Variants in VSTM2A observed in about 807,000 individuals in gnomAD.
VSTM2A encodes V-set and transmembrane domain containing 2A.
A neutral mutation model predicts 27.3 loss-of-function variants in VSTM2A; 13 were observed. The observed-to-expected ratio is 0.48, with a 90% CI of 0.31 to 0.76. The LOEUF (loss-of-function observed/expected upper bound fraction) is 0.76. VSTM2A is among the 30% of genes least tolerant of loss of function. The pLI, the probability that VSTM2A is intolerant of heterozygous loss-of-function variation, is 0.05. For synonymous variants in VSTM2A, 142 were observed against 125.7 expected (o/e 1.13, Z -0.87); for missense variants, 280 against 310.0 (o/e 0.90, Z 0.73).
intron 2 of VSTM2A, among the ~76,000 whole-genome samples, chr7:54,545,552 G>A (rs1305297196): frequency 2.0e-5 from 2 of 98,446 alleles, no homozygotes; most frequent in Non-Finnish European, 4.2e-5. Flanking sequence ...GAGTGGGGAG[G>A]GGAGAAGAAG....
chr7:54,549,700 A>G, intron 3 of VSTM2A, 134 bp from the exon 4 acceptor site: 2 of 800,526 alleles, frequency 2.5e-6, no homozygotes, highest in Non-Finnish European at 3.9e-6. Context: ...TTAAGGAAAT[A>G]AAAAGCTCCT....
chr7:54,550,279 G>T, intron 4 of VSTM2A, 109 bp downstream of exon 4: 1 of 1,508,844 alleles, frequency 6.6e-7, no homozygotes, highest in Non-Finnish European at 8.9e-7. Flanking sequence ...TAAAATCGGA[G>T]ACCTAGTTCA....
In VSTM2A at chr7:54,542,813, A is replaced by G. The variant is rs1377665831; in HGVS notation, c.79+4A>G. 6.2e-7 allele frequency: 1 copy of G among 1,612,984 alleles called. No individual in the cohort carries two copies. The highest frequency in any genetic ancestry group is 8.5e-7 in the Non-Finnish European group (1 of 1,179,498). ...CAACAAGGGCTTTCTTCTCAAGGTA[A>G]GTCTTGCTCAATGGCAAATATACAT... On this transcript the variant is annotated splice_donor_region_variant and intron_variant, in intron 1 of 4. Coordinates refer to ENST00000402613, the MANE Select transcript of VSTM2A (RefSeq NM_001301009.2).
At chr7:54,549,141 G>A (rs1452048405) in intron 3 of VSTM2A, among the ~76,000 whole-genome samples, 1 of 151,784 alleles carries the variant, frequency 6.6e-6, no homozygotes, top group Non-Finnish European at 1.5e-5. Context: ...TGAAAATCAA[G>A]CCAGTGTTTT....
intron 4 of VSTM2A, among the ~76,000 whole-genome samples, chr7:54,562,389 G>T (rs1289321698): frequency 6.6e-6 from 1 of 151,792 alleles, no homozygotes; most frequent in Non-Finnish European, 1.5e-5. Context: ...TTAAAATTAT[G>T]AGTTGTTTTT....
chr7:54,549,695 G>A, intron 3 of VSTM2A, 139 bp from the exon 4 acceptor site: 1 of 761,018 alleles, frequency 1.3e-6, no homozygotes, highest in South Asian at 2.0e-5. Context: ...TGACGTTAAG[G>A]AAATAAAAAG....
chr7:54,546,783 G>GT (rs1788006148), intron 2 of VSTM2A, 164 bp from the exon 3 acceptor site: 6 of 694,870 alleles, frequency 8.6e-6, no homozygotes, highest in Non-Finnish European at 1.4e-5. Context: ...CAGCGTGGGG[G>GT]CGGTGCGGTC....
In VSTM2A at chr7:54,544,785, G is replaced by T; in HGVS notation, c.243G>T (p.Ala81=). 1 of 1,602,472 alleles carries T rather than the reference G, an allele frequency of 6.2e-7. No homozygotes were observed. Among genetic ancestry groups the T allele is most frequent in the Non-Finnish European group, 8.5e-7 (1 of 1,174,896 alleles). ...ATCCCGGGGCCGAGGGGGCCGGCGC[G>T]CAGGTAGCGGAGCCCGCCGACCCCG... is the stretch of plus-strand genomic sequence containing the variant. ...DLDPGAEGAG[A]QVELLPDRDP... is the part of the protein sequence containing the mutation. The change falls in exon 2 of 5, where the codon GCG becomes GCT. Residue 81 remains alanine (A), a synonymous_variant. Coordinates refer to ENST00000402613, the MANE Select transcript of VSTM2A (RefSeq NM_001301009.2).
Position 54,542,597 on chromosome 7 carries a change from G to A in VSTM2A, c.-134G>A. The A allele has an allele frequency of 1.3e-6, 1 of 751,182 alleles. No individual in the cohort carries two copies. Among genetic ancestry groups the A allele is most frequent in the Non-Finnish European group, 2.3e-6 (1 of 442,944 alleles). 46.5% of individuals were successfully genotyped at this position (751,182 alleles called of 1,614,324 possible). A position where few individuals can be genotyped will look rare whatever the true frequency, so the allele number is the denominator to read the frequency against. ...TCCCTTCTCCCCACAGCCAGCCCTC[G>A]CCAAGCAAGCAGCAGGATGTTTGCA... is the stretch of plus-strand genomic sequence containing the variant. On this transcript the variant is annotated 5_prime_UTR_variant, in exon 1 of 5. Coordinates refer to ENST00000402613, the MANE Select transcript of VSTM2A (RefSeq NM_001301009.2).
rs116751288 is a variant in VSTM2A, at chr7:54,567,203, C to T, written c.635-1928C>T. ...GAAAAAATCTTTGTAATTTTCCTGG[C>T]GAAAATGAATTGTATTTAATTAAAA... is the stretch of plus-strand genomic sequence containing the variant. On this transcript the variant is annotated intron_variant, in intron 4 of 4. Transcript: ENST00000402613. Among the ~76,000 whole-genome samples, 1,248 of 152,044 alleles carry T rather than the reference C, an allele frequency of 8.2e-3. 22 individuals are homozygous for T. Among genetic ancestry groups the T allele is most frequent in the African/African-American group, 0.028 (1,181 of 41,476 alleles).
intron 2 of VSTM2A, 87 bp from the exon 3 acceptor site, chr7:54,546,860 G>GTC: frequency 1.9e-6 from 3 of 1,541,086 alleles, no homozygotes; most frequent in African/African-American, 1.5e-5. Context: ...TGACGGCCCT[G>GTC]CCCGGAGCCG....
intron 2 of VSTM2A, chr7:54,546,574 G>GCCCGCCCGCCCA (rs1271387546): frequency 1.1e-4 from 12 of 108,770 alleles, no homozygotes; most frequent in African/African-American, 4.4e-4. Context: ...CTGCCCGCCC[G>GCCCGCCCGCCCA]CCCACCCACC....
intron 4 of VSTM2A, among the ~76,000 whole-genome samples, chr7:54,554,403 G>A (rs1788286518): frequency 1.3e-5 from 2 of 152,028 alleles, no homozygotes; most frequent in South Asian, 2.1e-4. Context: ...GAAATTGTTC[G>A]AGTCACCTTT....
At chr7:54,550,229 T>C in intron 4 of VSTM2A, 59 bp downstream of exon 4, 1 of 1,552,764 alleles carries the variant, frequency 6.4e-7, no homozygotes, top group Non-Finnish European at 8.7e-7. Flanking sequence ...CACAGAAAGG[T>C]CAGTCGTATA....
At chr7:54,566,860 G>A (rs1430306036) in intron 4 of VSTM2A, among the ~76,000 whole-genome samples, 5 of 152,188 alleles carry the variant, frequency 3.3e-5, no homozygotes, top group Admixed American at 1.3e-4. Flanking sequence ...TCTTTAAAAT[G>A]AGCACAGAGT....
chr7:54,553,823 A>G (rs1788264103), intron 4 of VSTM2A: 4 of 1,550,368 alleles, frequency 2.6e-6, no homozygotes, highest in Non-Finnish European at 3.5e-6. Flanking sequence ...AAATACCCCA[A>G]TATACTAAGT....
At chr7:54,547,037 G>C (rs756231004) in intron 3 of VSTM2A, 40 bp downstream of exon 3, 2 of 1,553,652 alleles carry the variant, frequency 1.3e-6, no homozygotes, top group African/African-American at 2.8e-5. Flanking sequence ...GCCCAGGCTC[G>C]GGACGCACAG....
intron 1 of VSTM2A, among the ~76,000 whole-genome samples, chr7:54,543,994 A>C (rs1393957469): frequency 6.6e-6 from 1 of 152,236 alleles, no homozygotes; most frequent in Admixed American, 6.5e-5. Context: ...TGATCATTAC[A>C]TCTTAAGATG....
chr7:54,546,998 G>GT lies in VSTM2A; in HGVS notation c.297+2dup. 6.7e-7 allele frequency: 1 copy of GT among 1,497,974 alleles called. No individual in the cohort carries two copies. Among genetic ancestry groups the GT allele is most frequent in the Non-Finnish European group, 8.9e-7 (1 of 1,128,126 alleles). 92.8% of individuals were successfully genotyped at this position (1,497,974 alleles called of 1,614,324 possible). A position where few individuals can be genotyped will look rare whatever the true frequency, so the allele number is the denominator to read the frequency against. ...GGACAGCGACGGGACCAAGATCAGCGTGAGTGCGGGGCGCGCCAAGGGCCG... is the reference window on the plus strand; with the variant it reads ...GGACAGCGACGGGACCAAGATCAGCGTTGAGTGCGGGGCGCGCCAAGGGCCG... On this transcript the variant is annotated splice_donor_variant, in intron 3 of 4. Transcript: ENST00000402613. LOFTEE classifies it high-confidence loss of function.
Sources: allele counts gnomAD v4.1 joint callset (sites outside exome capture counted in the v4.1 genomes callset), GRCh38; gene constraint gnomAD v4.1.1; transcripts MANE v1.5; gene names NCBI Gene and HGNC (gene_info 2026-07-23, HGNC 2026-07-21).